Variants in RANBP2 observed in about 807,000 individuals in gnomAD.
RANBP2 encodes E3 SUMO-protein ligase RanBP2.
Under a neutral mutation model 303.6 loss-of-function variants are expected in RANBP2, and 57 were observed. The observed-to-expected ratio is 0.19, with a 90% CI of 0.15 to 0.23. RANBP2 has a LOEUF of 0.23. Ranked by LOEUF, RANBP2 falls within the 10% of genes least tolerant of loss-of-function variation. RANBP2 has a pLI of 1.00. For missense variants in RANBP2, 3,138 were observed against 3,780.8 expected (o/e 0.83, Z 4.46); for synonymous variants, 1,167 against 1,301.5 (o/e 0.90, Z 2.23).
chr2:109,358,206 G>A, the RANBP2 span, among the ~76,000 whole-genome samples: 1 of 152,156 alleles, frequency 6.6e-6, no homozygotes, highest in Non-Finnish European at 1.5e-5. Flanking sequence ...GTCCTTCCAT[G>A]TCTTTTCATA....
At chr2:108,953,004 T>C in the RANBP2 span, among the ~76,000 whole-genome samples, 87 of 152,370 alleles carry the variant, frequency 5.7e-4, no homozygotes, top group Non-Finnish European at 9.6e-4. Context: ...GTTTAATTTT[T>C]GTGTGTATGT....
the RANBP2 span, chr2:108,873,454 C>G: frequency 1.3e-6 from 2 of 1,589,706 alleles, no homozygotes; most frequent in Non-Finnish European, 8.5e-7. Context: ...TTTGCAGAAT[C>G]CTTGCAGCCT....
chr2:109,547,881 A>G, the RANBP2 span, among the ~76,000 whole-genome samples: 1 of 152,210 alleles, frequency 6.6e-6, no homozygotes, highest in African/African-American at 2.4e-5. Flanking sequence ...CACCCTGGGT[A>G]GTTCTTTCTG....
chr2:109,589,826 CAATGGTCAAAAACTGGAAAGATTCCA>C, the RANBP2 span, among the ~76,000 whole-genome samples: 25 of 151,862 alleles, frequency 1.6e-4, no homozygotes, highest in African/African-American at 6.0e-4. Context: ...GTTTTATTCC[CAATGGTCAAAAACTGGAAAGATTCCA>C]AATATCAAAC....
chr2:109,584,729 T>C, the RANBP2 span, among the ~76,000 whole-genome samples: 33 of 152,292 alleles, frequency 2.2e-4, 1 homozygote, highest in Admixed American at 1.4e-3. Context: ...GATTATAATT[T>C]TACAAAAAAT....
chr2:109,585,413 A>G, the RANBP2 span: 2 of 1,106,030 alleles, frequency 1.8e-6, no homozygotes, highest in South Asian at 1.6e-5. Flanking sequence ...AAGATCCCAA[A>G]TATTTCAAAG....
chr2:109,682,973 C>T, the RANBP2 span, among the ~76,000 whole-genome samples: 1 of 152,178 alleles, frequency 6.6e-6, no homozygotes, highest in Non-Finnish European at 1.5e-5. Context: ...ATCCACACTT[C>T]CCCATCTCCC....
the RANBP2 span, among the ~76,000 whole-genome samples, chr2:108,939,324 C>G: frequency 6.6e-6 from 1 of 152,068 alleles, no homozygotes. Context: ...GTAGCTGGGA[C>G]TACAGGCGTG....
the RANBP2 span, among the ~76,000 whole-genome samples, chr2:109,282,753 C>G: frequency 2.0e-5 from 3 of 152,144 alleles, no homozygotes; most frequent in Non-Finnish European, 4.4e-5. Context: ...CTCAGAACGG[C>G]CAAAGGAGAA....
the RANBP2 span, among the ~76,000 whole-genome samples, chr2:109,729,271 C>G: frequency 6.6e-6 from 1 of 152,326 alleles, no homozygotes; most frequent in East Asian, 1.9e-4. Context: ...ATATTTACTT[C>G]TGGTTCCAAA....
chr2:109,540,395 ACTC>A, the RANBP2 span, among the ~76,000 whole-genome samples: 1 of 150,884 alleles, frequency 6.6e-6, no homozygotes, highest in Non-Finnish European at 1.5e-5. Context: ...ATTTTCCTAT[ACTC>A]CTATCAATCT....
the RANBP2 span, among the ~76,000 whole-genome samples, chr2:109,363,167 T>A: frequency 1.3e-5 from 2 of 152,142 alleles, no homozygotes; most frequent in African/African-American, 4.8e-5. Context: ...CGGTCTTTTG[T>A]GGTTTTTATT....
chr2:109,039,737 T>C, the RANBP2 span, among the ~76,000 whole-genome samples: 4 of 152,168 alleles, frequency 2.6e-5, no homozygotes, highest in African/African-American at 9.6e-5. Flanking sequence ...TTAAAATTTA[T>C]CTTATTTATG....
chr2:108,754,840 T>C (rs1558907604), intron 15 of RANBP2, 65 bp from the exon 16 acceptor site: 1 of 1,604,834 alleles, frequency 6.2e-7, no homozygotes, highest in Non-Finnish European at 8.5e-7. Flanking sequence ...ATATATCATT[T>C]TAGAGTTTTT....
At chr2:109,307,935 A>G in the RANBP2 span, among the ~76,000 whole-genome samples, 293 of 131,224 alleles carry the variant, frequency 2.2e-3, 7 homozygotes, top group Admixed American at 4.8e-3. Context: ...TTGGGTATAT[A>G]CCCAGTAATG....
the RANBP2 span, among the ~76,000 whole-genome samples, chr2:109,362,142 A>G: frequency 6.6e-6 from 1 of 152,030 alleles, no homozygotes; most frequent in Non-Finnish European, 1.5e-5. Context: ...AGTGTCCTAA[A>G]GTGAAGATTT....
the RANBP2 span, among the ~76,000 whole-genome samples, chr2:109,490,392 T>C: frequency 2.0e-5 from 3 of 152,120 alleles, no homozygotes; most frequent in Non-Finnish European, 4.4e-5. Context: ...CCCTCACTGG[T>C]TCACCCGTGG....
the RANBP2 span, among the ~76,000 whole-genome samples, chr2:109,533,692 C>G: frequency 2.6e-5 from 4 of 152,210 alleles, no homozygotes; most frequent in African/African-American, 9.7e-5. Context: ...AGTGACAGCA[C>G]TGTGAACCCA....
chr2:109,276,687 G>C, the RANBP2 span, among the ~76,000 whole-genome samples: 3 of 152,316 alleles, frequency 2.0e-5, no homozygotes, highest in African/African-American at 7.2e-5. Flanking sequence ...AAGTCAGATA[G>C]AGACCCTTTT....
Sources: allele counts gnomAD v4.1 joint callset (sites outside exome capture counted in the v4.1 genomes callset), GRCh38; gene constraint gnomAD v4.1.1; transcripts MANE v1.5; gene names NCBI Gene and HGNC (gene_info 2026-07-23, HGNC 2026-07-21).